N4BP1: variants seen among roughly 807,000 people sequenced by gnomAD.
The protein encoded by N4BP1 is NEDD4 binding protein 1.
N4BP1 carries 21 observed loss-of-function variants against 70.9 expected under a neutral mutation model. The observed-to-expected ratio is 0.30, with a 90% confidence interval of 0.21 to 0.43. The LOEUF is 0.43. Among genes scored for constraint, N4BP1 ranks in the 20% least tolerant of loss-of-function variants. The pLI is 1.00. For missense variants in N4BP1, 936 were observed against 1,069.4 expected (o/e 0.88, Z 1.74); for synonymous variants, 387 against 394.6 (o/e 0.98, Z 0.23).
intron 1 of N4BP1, 28 bp from the exon 2 acceptor site, chr16:48,562,472 C>A (rs780491860): frequency 1.3e-6 from 2 of 1,544,444 alleles, no homozygotes; most frequent in Admixed American, 2.2e-5. Context: ...GAAATTAGGT[C>A]AATTTACAAA....
intron 1 of N4BP1, among the ~76,000 whole-genome samples, chr16:48,570,658 A>G (rs943763499): frequency 2.6e-5 from 4 of 151,944 alleles, no homozygotes; most frequent in Non-Finnish European, 4.4e-5. Flanking sequence ...GTGGTACTTT[A>G]AATTCTGGTC....
intron 1 of N4BP1, among the ~76,000 whole-genome samples, chr16:48,582,515 C>T (rs751233867): frequency 2.6e-5 from 4 of 152,074 alleles, no homozygotes; most frequent in African/African-American, 4.8e-5. Flanking sequence ...AATTTGGACA[C>T]GCCAAAGAGA....
chr16:48,587,831 T>G (rs1373942982), intron 1 of N4BP1, among the ~76,000 whole-genome samples: 1 of 152,216 alleles, frequency 6.6e-6, no homozygotes, highest in East Asian at 1.9e-4. Flanking sequence ...TGGTGCAGGA[T>G]CTCAGCCTTC....
intron 1 of N4BP1, among the ~76,000 whole-genome samples, chr16:48,599,362 G>A (rs755942782): frequency 6.6e-6 from 1 of 152,096 alleles, no homozygotes; most frequent in Non-Finnish European, 1.5e-5. Flanking sequence ...CACAAATTCT[G>A]GCAAAATAGA....
Position 48,550,428 on chromosome 16 carries a change from C to T in N4BP1, c.2117+958G>A, listed in dbSNP as rs545671717. On this transcript the variant is annotated intron_variant, in intron 4 of 6. Coordinates refer to ENST00000262384, the MANE Select transcript of N4BP1 (RefSeq NM_153029.4). Reference sequence around the variant, plus strand: ...TACTTGGGAAGCTGAGACAGGAGAACGGCTAGAACCTGAGAGGCGGAGGTT... The same window carrying T: ...TACTTGGGAAGCTGAGACAGGAGAATGGCTAGAACCTGAGAGGCGGAGGTT... 5.3e-5 allele frequency among the ~76,000 whole-genome samples: 8 copies of T among 151,274 alleles called. No homozygotes were observed. The East Asian group carries it at 5.9e-4, about 11-fold the overall frequency.
intron 1 of N4BP1, among the ~76,000 whole-genome samples, chr16:48,589,001 T>G (rs1267227028): frequency 6.6e-6 from 1 of 152,156 alleles, no homozygotes; most frequent in African/African-American, 2.4e-5. Context: ...GAATGTATTT[T>G]TTTGCTTGAC....
chr16:48,587,670 A>G (rs1393819311), intron 1 of N4BP1, among the ~76,000 whole-genome samples: 1 of 152,208 alleles, frequency 6.6e-6, no homozygotes, highest in Admixed American at 6.5e-5. Flanking sequence ...ACCAGAAGAG[A>G]ATCAGACAAA....
Position 48,542,582 on chromosome 16 carries a change from C to T in N4BP1, c.*322G>A, listed in dbSNP as rs1046975778. ...AACCATATCCATTTGTCAATATTTT[C>T]GGCTTTAAGGAAAATAGTTTAAAAA... On this transcript the variant is annotated 3_prime_UTR_variant, in exon 7 of 7. Coordinates refer to ENST00000262384, the MANE Select transcript of N4BP1 (RefSeq NM_153029.4). 2.5e-5 allele frequency: 5 copies of T among 203,004 alleles called. No homozygotes were observed. The highest frequency in any genetic ancestry group is 5.9e-5 in the Admixed American group (1 of 16,864). 12.6% of individuals were successfully genotyped at this position (203,004 alleles called of 1,614,324 possible). A position where few individuals can be genotyped will look rare whatever the true frequency, so the allele number is the denominator to read the frequency against.
intron 1 of N4BP1, among the ~76,000 whole-genome samples, chr16:48,593,736 G>A (rs1306623843): frequency 2.0e-5 from 3 of 152,126 alleles, no homozygotes; most frequent in African/African-American, 7.2e-5. Context: ...TAGGCTGGAC[G>A]TGGTGGCTCA....
At chr16:48,578,621 G>A (rs920799136) in intron 1 of N4BP1, among the ~76,000 whole-genome samples, 1 of 152,112 alleles carries the variant, frequency 6.6e-6, no homozygotes, top group Non-Finnish European at 1.5e-5. Flanking sequence ...CCACTCCTCT[G>A]TTACAGTACC....
intron 6 of N4BP1, among the ~76,000 whole-genome samples, chr16:48,544,584 T>C (rs376108786): frequency 6.6e-6 from 1 of 152,340 alleles, no homozygotes; most frequent in Non-Finnish European, 1.5e-5. Context: ...CTTTAGTTAA[T>C]GTCTGTTACC....
intron 1 of N4BP1, among the ~76,000 whole-genome samples, chr16:48,603,488 C>T (rs1404222903): frequency 6.6e-6 from 1 of 152,160 alleles, no homozygotes; most frequent in Non-Finnish European, 1.5e-5. Context: ...GTGCCATTTA[C>T]TTCCAATTAC....
intron 1 of N4BP1, among the ~76,000 whole-genome samples, chr16:48,581,964 C>G (rs1357814204): frequency 6.6e-6 from 1 of 152,006 alleles, no homozygotes; most frequent in African/African-American, 2.4e-5. Context: ...AACAGAATTA[C>G]ATCAAATAAA....
rs542152062 is a variant in N4BP1, at chr16:48,544,033, C to G, written c.2334-772G>C. The stretch of plus-strand genomic sequence containing the variant: ...GACTCTCCTTCTGGTAACTCTGACC[C>G]GCGGACCTGATTGATGCTCTGACAC... On this transcript the variant is annotated intron_variant, in intron 6 of 6. Transcript: ENST00000262384. 4.6e-5 allele frequency among the ~76,000 whole-genome samples: 7 copies of G among 152,296 alleles called. No homozygotes were observed. In the South Asian group the frequency reaches 1.2e-3, roughly 27 times the overall value.
intron 1 of N4BP1, among the ~76,000 whole-genome samples, chr16:48,564,141 T>C (rs947092196): frequency 1.3e-5 from 2 of 152,182 alleles, no homozygotes; most frequent in Non-Finnish European, 1.5e-5. Flanking sequence ...TTGTCAAATA[T>C]GTGGCTTGCA....
In N4BP1 at chr16:48,561,838, G is replaced by A; in HGVS notation, c.805C>T (p.Leu269=). Residue 269 remains leucine (L), a synonymous_variant, in exon 2 of 7, where the codon CTA becomes TTA. Coordinates refer to ENST00000262384, the MANE Select transcript of N4BP1 (RefSeq NM_153029.4). ...PDVLFDPING[L]TPDEEALSNE... is the part of the protein sequence containing the mutation. ...GAAAGTGCCTCTTCATCTGGGGTTA[G>A]ACCATTTATTGGATCAAAAAGCACA... is the stretch of plus-strand genomic sequence containing the variant. 6.2e-7 allele frequency: 1 copy of A among 1,613,840 alleles called. No homozygotes were observed. The highest frequency in any genetic ancestry group is 8.5e-7 in the Non-Finnish European group (1 of 1,179,880).
Position 48,561,710 on chromosome 16 carries a change from G to T in N4BP1, c.933C>A (p.His311Gln). ...CATTTCCAGCCAATGTCTTAGCATC[G>T]TGTAAAATCTCCCCCTCCTGAACAT... The part of the protein sequence containing the change: ...LENVQEGEIL[H>Q]DAKTLAGNVI... Residue 311 changes from histidine to glutamine, a missense_variant, in exon 2 of 7, where the codon CAC (histidine) becomes CAA (glutamine). By Grantham distance (24) the His-to-Gln change is conservative. Around this residue, in one of 4 missense-constraint regions of N4BP1, gnomAD observed 515 missense variants for 491.7 expected, o/e 1.05. Transcript: ENST00000262384. 1 of 1,612,258 alleles carries T rather than the reference G, an allele frequency of 6.2e-7. No individual in the cohort carries two copies. The highest frequency in any genetic ancestry group is 1.1e-5 in the South Asian group (1 of 91,078).
At chr16:48,598,769 C>T (rs549525907) in intron 1 of N4BP1, among the ~76,000 whole-genome samples, 1 of 152,170 alleles carries the variant, frequency 6.6e-6, no homozygotes, top group African/African-American at 2.4e-5. Context: ...CCTCTGTACA[C>T]AAGTGGGTAA....
At chr16:48,584,120 G>T (rs897427208) in intron 1 of N4BP1, among the ~76,000 whole-genome samples, 14 of 152,180 alleles carry the variant, frequency 9.2e-5, no homozygotes. Flanking sequence ...CATGAATCTG[G>T]TCTATGCATG....
Sources: gnomAD v4.1 joint callset for allele counts (sites outside exome capture counted in the v4.1 genomes callset) on GRCh38, gnomAD v4.1.1 for gene constraint, gnomAD v4.1.1 regional missense constraint, MANE v1.5 for transcripts, NCBI Gene and HGNC (gene_info 2026-07-23, HGNC 2026-07-21) for gene names.